MYH6: variants seen among roughly 807,000 people sequenced by gnomAD.
The protein encoded by MYH6 is myosin-6.
In MYH6, 126 loss-of-function variants were observed where a neutral mutation model predicts 223.2. The ratio of observed to expected loss-of-function variants is 0.56; its 90% CI spans 0.49 to 0.65. The LOEUF is 0.65. Ranked by LOEUF, MYH6 falls within the 30% of genes least tolerant of loss-of-function variation. The probability of loss-of-function intolerance (pLI) is 0.00; values close to 1 mark genes in which losing one functional copy is unlikely to be tolerated. For missense variants in MYH6, 2,040 were observed against 2,536.4 expected (o/e 0.80, Z 4.20); for synonymous variants, 978 against 1,010.2 (o/e 0.97, Z 0.61).
chr14:23,392,728 A>C, intron 24 of MYH6, 76 bp from the exon 25 acceptor site: 7 of 1,454,228 alleles, frequency 4.8e-6, no homozygotes, highest in Non-Finnish European at 6.7e-6. Flanking sequence ...TCTTGGCCTT[A>C]GTATGCCAGA....
intron 14 of MYH6, chr14:23,399,818 C>G (rs1329577602): frequency 1.5e-5 from 4 of 269,486 alleles, no homozygotes; most frequent in African/African-American, 2.2e-5. Flanking sequence ...CAAGTCAGCC[C>G]CAGCCTATGG....
In MYH6 at chr14:23,402,544, G is replaced by A. The variant is rs201375441; in HGVS notation, c.1061C>T (p.Thr354Met). 9.9e-6 allele frequency: 16 copies of A among 1,613,656 alleles called. No homozygotes were observed. Among genetic ancestry groups the A allele is most frequent in the Non-Finnish European group, 1.3e-5 (15 of 1,179,930 alleles). The change falls in exon 12 of 39, where the codon ACG (threonine) becomes ATG (methionine). Residue 354 changes from threonine to methionine, a missense_variant. Around this residue, in one of 4 missense-constraint regions of MYH6, gnomAD observed 649 missense variants for 877.3 expected, o/e 0.74. Coordinates refer to ENST00000405093, the MANE Select transcript of MYH6 (RefSeq NM_002471.4). Reference sequence around the variant, plus strand: ...GTTCCCGTAGTGCATGATGGCTCCCGTCAGCTTGTAGACGCCAGCTTTCTC... The same window carrying A: ...GTTCCCGTAGTGCATGATGGCTCCCATCAGCTTGTAGACGCCAGCTTTCTC... ...SEEKAGVYKL[T>M]GAIMHYGNMK... is the part of the protein sequence containing the mutation.
intron 25 of MYH6, among the ~76,000 whole-genome samples, chr14:23,391,579 T>G (rs1279834073): frequency 3.3e-5 from 5 of 152,228 alleles, no homozygotes; most frequent in Non-Finnish European, 1.5e-5. Flanking sequence ...ACTTGCAGCC[T>G]GGGCCATGGG....
At chr14:23,391,558 G>C (rs1446914269) in intron 25 of MYH6, among the ~76,000 whole-genome samples, 1 of 152,218 alleles carries the variant, frequency 6.6e-6, no homozygotes, top group Non-Finnish European at 1.5e-5. Context: ...GTGGAATTGT[G>C]TTCATACATT....
intron 10 of MYH6, 100 bp downstream of exon 10, chr14:23,403,248 T>A (rs1244502357): frequency 5.1e-6 from 5 of 976,894 alleles, no homozygotes; most frequent in Non-Finnish European, 6.6e-6. Flanking sequence ...AGCAGCAAGG[T>A]GGGGCACAGT....
At position 23,396,831 on chromosome 14, in the gene MYH6, T is replaced by C; in HGVS notation, c.2169-14A>G. On this transcript the variant is annotated splice_polypyrimidine_tract_variant and intron_variant, in intron 18 of 38. Transcript: ENST00000405093. ...AGGATGCGATACCTGAGGAGGGAAG[T>C]GTCCAGAGTCACCCATGCTCTGCAG... 2 of 1,613,876 alleles carry C rather than the reference T, an allele frequency of 1.2e-6. No individual in the cohort carries two copies. The highest frequency in any genetic ancestry group is 1.7e-6 in the Non-Finnish European group (2 of 1,179,860).
intron 36 of MYH6, among the ~76,000 whole-genome samples, chr14:23,383,783 G>T (rs1313603068): frequency 6.6e-6 from 1 of 152,190 alleles, no homozygotes; most frequent in African/African-American, 2.4e-5. Context: ...CAGGCATCGG[G>T]ATCACTGGCT....
At chr14:23,406,075 G>A (rs964531790) in intron 3 of MYH6, among the ~76,000 whole-genome samples, 3 of 152,150 alleles carry the variant, frequency 2.0e-5, no homozygotes, top group African/African-American at 7.2e-5. Flanking sequence ...CAAGGGTCTT[G>A]GGGCAGACCT....
rs1049328399 is a variant in MYH6 at position 23,393,034 on chromosome 14, C to T, written c.3129G>A (p.Glu1043=). The change falls in exon 24 of 39, where the codon GAG becomes GAA. Residue 1043 remains glutamate, a synonymous_variant. Transcript: ENST00000405093. ...VDDLEGSLEQ[E]KKVRMDLERA... is the part of the protein sequence containing the mutation. ...GCTCCAGGTCCATGCGCACCTTCTT[C>T]TCTTGCTCTAGGGATCCCTCCAGCT... is the stretch of plus-strand genomic sequence containing the variant. The T allele has an allele frequency of 1.2e-6, 2 of 1,614,236 alleles. No individual in the cohort carries two copies. The highest frequency in any genetic ancestry group is 8.5e-7 in the Non-Finnish European group (1 of 1,180,048).
At chr14:23,396,668 A>G (rs1456939311) in intron 19 of MYH6, 26 bp downstream of exon 19, 1 of 1,614,004 alleles carries the variant, frequency 6.2e-7, no homozygotes. Flanking sequence ...CTGCCCTGCA[A>G]CCACCCAGTG....
At chr14:23,389,097 T>A in intron 28 of MYH6, 42 bp from the exon 29 acceptor site, 1 of 1,557,620 alleles carries the variant, frequency 6.4e-7, no homozygotes, top group African/African-American at 1.4e-5. Flanking sequence ...AGGGACTCCC[T>A]GTGCCCCATT....
chr14:23,388,623 T>C (rs1891118952), intron 29 of MYH6: 1 of 858,854 alleles, frequency 1.2e-6, no homozygotes, highest in Non-Finnish European at 2.0e-6. Flanking sequence ...GCTCGTCTTA[T>C]ACGTGAGCAT....
chr14:23,389,048 T>G lies in MYH6; in HGVS notation c.3986A>C (p.Asn1329Thr). Reference protein sequence around the residue: ...RQLEEEGKAKNALAHALQSAR... With the variant: ...RQLEEEGKAKTALAHALQSAR... ...CGACTGCAGTGCATGGGCCAGGGCGTTCTTCGCCTGGGGAGGGGGGGGGGC... is the reference window on the plus strand; with the variant it reads ...CGACTGCAGTGCATGGGCCAGGGCGGTCTTCGCCTGGGGAGGGGGGGGGGC... The change falls in exon 29 of 39, where the codon AAC (asparagine) becomes ACC (threonine). Residue 1329 changes from asparagine to threonine, a missense_variant. Physicochemically the swap from Asn to Thr is moderately conservative, Grantham distance 65 (BLOSUM62 0). Around this residue, in one of 4 missense-constraint regions of MYH6, gnomAD observed 1,203 missense variants for 1,400.2 expected, o/e 0.86. Coordinates refer to ENST00000405093, the MANE Select transcript of MYH6 (RefSeq NM_002471.4). 6.5e-7 allele frequency: 1 copy of G among 1,543,364 alleles called. No homozygotes were observed. Among genetic ancestry groups the G allele is most frequent in the Non-Finnish European group, 8.8e-7 (1 of 1,142,280 alleles).
Position 23,407,056 on chromosome 14 carries a change from TCCCTC to T in MYH6, c.163_167del (p.Glu55ArgfsTer6). On this transcript the variant is annotated frameshift_variant, in exon 3 of 39. Coordinates refer to ENST00000405093, the MANE Select transcript of MYH6 (RefSeq NM_002471.4). LOFTEE classifies it high-confidence loss of function. This position sits in a 1 kb window ranked among gnomAD's most constrained non-coding sequence, Gnocchi z 5.6. ...TCTCGGTTTCAGCAATGACCTTGCC[TCCCTC>T]CCGGGACAAAATCTTGGCTTTGACA... 1 of 1,614,130 alleles carries T rather than the reference TCCCTC, an allele frequency of 6.2e-7. No homozygotes were observed. The highest frequency in any genetic ancestry group is 1.1e-5 in the South Asian group (1 of 91,062).
rs1386900818 is a variant in MYH6 at position 23,388,275 on chromosome 14, G to A, written c.4239C>T (p.Cys1413=). ...EEAVEAVNAK[C]SSLEKTKHRL... ...GGTGCTTGGTCTTCTCCAGTGAGGA[G>A]CACTTGGCATTAACAGCCTCCACGG... Residue 1413 remains cysteine (C), a synonymous_variant, in exon 30 of 39, where the codon TGC becomes TGT. Coordinates refer to ENST00000405093, the MANE Select transcript of MYH6 (RefSeq NM_002471.4). 1.9e-6 allele frequency: 3 copies of A among 1,613,054 alleles called. No individual in the cohort carries two copies. Among genetic ancestry groups the A allele is most frequent in the Non-Finnish European group, 2.5e-6 (3 of 1,180,046 alleles).
At chr14:23,389,831 G>C in intron 26 of MYH6, 112 bp from the exon 27 acceptor site, 2 of 1,568,978 alleles carry the variant, frequency 1.3e-6, no homozygotes, top group Non-Finnish European at 1.8e-6. Flanking sequence ...GACACAGAAG[G>C]TGTGGGAGGG....
chr14:23,391,599 C>T (rs1225050181), intron 25 of MYH6, among the ~76,000 whole-genome samples: 1 of 152,210 alleles, frequency 6.6e-6, no homozygotes, highest in Non-Finnish European at 1.5e-5. Context: ...GCCTCAAGTG[C>T]AGAGGGGAGA....
At position 23,400,088 on chromosome 14, in the gene MYH6, G is replaced by C. The variant is rs541075580; in HGVS notation, c.1581+168C>G. 9 of 1,013,464 alleles carry C rather than the reference G, an allele frequency of 8.9e-6. No individual in the cohort carries two copies. In the Admixed American group the frequency reaches 1.6e-4, roughly 18 times the overall value. The allele number at this position is 1,013,464 out of a possible 1,614,324, so 62.8% of individuals were successfully genotyped here. A position where few individuals can be genotyped will look rare whatever the true frequency, so the allele number is the denominator to read the frequency against. On this transcript the variant is annotated intron_variant, in intron 14 of 38. Transcript: ENST00000405093. ...TGCAAGGTCCTGGGAAAGGAAGAGT[G>C]GGGGGATCATCCTGTTCATGCCCAT... is the stretch of plus-strand genomic sequence containing the variant.
At chr14:23,392,005 TC>T (rs1396782692) in intron 25 of MYH6, among the ~76,000 whole-genome samples, 3 of 152,184 alleles carry the variant, frequency 2.0e-5, no homozygotes, top group African/African-American at 7.2e-5. Context: ...TCCCCTCTGG[TC>T]CTGTGTGGTA....
Sources: allele counts gnomAD v4.1 joint callset (sites outside exome capture counted in the v4.1 genomes callset), GRCh38; gene constraint gnomAD v4.1.1; regional missense constraint gnomAD v4.1.1; non-coding constraint Gnocchi (gnomAD v3.1); transcripts MANE v1.5; gene names NCBI Gene and HGNC (gene_info 2026-07-23, HGNC 2026-07-21).